Variants in NKAIN2 observed in about 807,000 individuals in gnomAD.
NKAIN2 encodes the protein sodium/potassium-transporting ATPase subunit beta-1-interacting protein 2.
NKAIN2 carries 14 observed loss-of-function variants against 32.6 expected under a neutral mutation model. That is an observed-to-expected ratio of 0.43 (90% CI 0.28 to 0.67). The LOEUF (loss-of-function observed/expected upper bound fraction) is 0.67. NKAIN2 is among the 30% of genes least tolerant of loss of function. The pLI is 0.17. For missense variants in NKAIN2, 198 were observed against 258.3 expected (o/e 0.77, Z 1.60); for synonymous variants, 80 against 87.2 (o/e 0.92, Z 0.46).
chr6:124,274,660 G>A (rs1794942355), intron 1 of NKAIN2, among the ~76,000 whole-genome samples: 1 of 151,934 alleles, frequency 6.6e-6, no homozygotes, highest in Non-Finnish European at 1.5e-5. Context: ...GATAATCCTT[G>A]TAAACGCATG....
chr6:124,513,492 G>A (rs1009536064), intron 3 of NKAIN2, among the ~76,000 whole-genome samples: 3 of 152,098 alleles, frequency 2.0e-5, no homozygotes, highest in African/African-American at 7.2e-5. Flanking sequence ...TTTAGCCCTT[G>A]GTAGGGATAC....
At chr6:124,177,081 A>G (rs1222545765) in intron 1 of NKAIN2, among the ~76,000 whole-genome samples, 2 of 152,166 alleles carry the variant, frequency 1.3e-5, no homozygotes, top group African/African-American at 4.8e-5. Flanking sequence ...AAAATGAGTA[A>G]TATTAGGTTA....
chr6:124,369,184 CCA>C (rs1799645732), intron 3 of NKAIN2, among the ~76,000 whole-genome samples: 1 of 151,924 alleles, frequency 6.6e-6, no homozygotes, highest in Non-Finnish European at 1.5e-5. Flanking sequence ...TCTCTAAAGC[CCA>C]CTCTATGGAA....
At chr6:123,936,010 A>G (rs906845141) in intron 1 of NKAIN2, among the ~76,000 whole-genome samples, 1 of 152,168 alleles carries the variant, frequency 6.6e-6, no homozygotes, top group Non-Finnish European at 1.5e-5. Flanking sequence ...GCACTTGAAC[A>G]TCTGGAAAGC....
rs1226961918 is a variant in NKAIN2 at position 123,976,330 on chromosome 6, C to CATATATAT, written c.54+172081_54+172088dup. Among the ~76,000 whole-genome samples the CATATATAT allele has an allele frequency of 3.2e-4, 11 of 34,664 alleles. 1 individual carries two copies. The highest frequency in any genetic ancestry group is 1.7e-3 in the South Asian group (2 of 1,212). 22.7% of individuals were successfully genotyped at this position (34,664 alleles called of 152,430 possible). ...ATGTTTCCATATATATATATGTTCC[C>CATATATAT]ATATATATATATGTTCCCATATATA... On this transcript the variant is annotated intron_variant, in intron 1 of 6. Transcript: ENST00000368417.
intron 1 of NKAIN2, among the ~76,000 whole-genome samples, chr6:124,106,212 T>C (rs1473166006): frequency 2.0e-5 from 3 of 152,204 alleles, no homozygotes; most frequent in Non-Finnish European, 4.4e-5. Context: ...CCCTACTACA[T>C]AGTGCTTGTG....
intron 3 of NKAIN2, among the ~76,000 whole-genome samples, chr6:124,360,705 A>G (rs879324521): frequency 1.5e-4 from 23 of 152,180 alleles, no homozygotes; most frequent in Admixed American, 1.5e-3. Context: ...AGATGATAGG[A>G]GCAAATAAAC....
intron 1 of NKAIN2, among the ~76,000 whole-genome samples, chr6:124,072,973 A>T (rs777548407): frequency 9.2e-5 from 14 of 152,150 alleles, no homozygotes; most frequent in Non-Finnish European, 1.3e-4. Context: ...ATTTATACTG[A>T]CTATGTTTGG....
At chr6:124,499,242 T>TTTTTTACA (rs1778189245) in intron 3 of NKAIN2, among the ~76,000 whole-genome samples, 1 of 152,192 alleles carries the variant, frequency 6.6e-6, no homozygotes, top group Admixed American at 6.5e-5. Flanking sequence ...TTATTTTATA[T>TTTTTTACA]GTTTACAGTT....
chr6:124,477,353 G>C (rs1008276626), intron 3 of NKAIN2, among the ~76,000 whole-genome samples: 4 of 152,114 alleles, frequency 2.6e-5, no homozygotes, highest in Non-Finnish European at 4.4e-5. Flanking sequence ...ACATTGGGAG[G>C]GAGAAGGGAG....
At chr6:123,946,579 A>G (rs927085124) in intron 1 of NKAIN2, among the ~76,000 whole-genome samples, 7 of 152,152 alleles carry the variant, frequency 4.6e-5, no homozygotes, top group Non-Finnish European at 4.4e-5. Context: ...GGATGATTAT[A>G]TCATTGATTG....
intron 2 of NKAIN2, among the ~76,000 whole-genome samples, chr6:124,298,262 T>G (rs1208204948): frequency 6.6e-6 from 1 of 152,182 alleles, no homozygotes; most frequent in African/African-American, 2.4e-5. Flanking sequence ...TATTGCCTTC[T>G]CACAAATCTC....
At chr6:124,433,134 C>T (rs1167732961) in intron 3 of NKAIN2, among the ~76,000 whole-genome samples, 2 of 152,138 alleles carry the variant, frequency 1.3e-5, no homozygotes, top group African/African-American at 2.4e-5. Flanking sequence ...TCAGCCCTCG[C>T]CATTCTGACC....
chr6:124,453,862 T>C (rs1326396037), intron 3 of NKAIN2, among the ~76,000 whole-genome samples: 10 of 152,078 alleles, frequency 6.6e-5, no homozygotes, highest in African/African-American at 1.9e-4. Context: ...AAAAAAAGTA[T>C]TGATTTCTCC....
chr6:124,598,696 A>G (rs1411168514), intron 3 of NKAIN2, among the ~76,000 whole-genome samples: 1 of 150,822 alleles, frequency 6.6e-6, no homozygotes, highest in African/African-American at 2.4e-5. Flanking sequence ...AAAAAATTAT[A>G]CTATTTCACA....
intron 1 of NKAIN2, among the ~76,000 whole-genome samples, chr6:123,899,466 C>T (rs1774451100): frequency 6.6e-6 from 1 of 152,146 alleles, no homozygotes; most frequent in South Asian, 2.1e-4. Flanking sequence ...CTTTCAGTCC[C>T]TGGGATGCTA....
At chr6:124,571,667 A>G (rs1781133043) in intron 3 of NKAIN2, among the ~76,000 whole-genome samples, 1 of 152,104 alleles carries the variant, frequency 6.6e-6, no homozygotes, top group South Asian at 2.1e-4. Flanking sequence ...AGTCTTGGGT[A>G]TGTCTTTATC....
chr6:124,358,166 A>G (rs915192203), intron 3 of NKAIN2, among the ~76,000 whole-genome samples: 3 of 152,186 alleles, frequency 2.0e-5, no homozygotes, highest in Admixed American at 6.5e-5. Flanking sequence ...TTCTTAATCC[A>G]GTCTATCATT....
chr6:124,553,237 G>A (rs1244921198), intron 3 of NKAIN2, among the ~76,000 whole-genome samples: 2 of 152,170 alleles, frequency 1.3e-5, no homozygotes, highest in South Asian at 2.1e-4. Context: ...TTATATTATG[G>A]TAGATAAAAG....
Sources: gnomAD v4.1 joint callset for allele counts (sites outside exome capture counted in the v4.1 genomes callset) on GRCh38, gnomAD v4.1.1 for gene constraint, MANE v1.5 for transcripts, NCBI Gene and HGNC (gene_info 2026-07-23, HGNC 2026-07-21) for gene names.